FBXO16: variants seen among roughly 807,000 people sequenced by gnomAD.
The protein encoded by FBXO16 is F-box protein 16.
A neutral mutation model predicts 41.0 loss-of-function variants in FBXO16; 31 were observed. The observed-to-expected ratio is 0.76, with a 90% CI of 0.57 to 1.02. The LOEUF (loss-of-function observed/expected upper bound fraction) is 1.02, where lower values mean the gene tolerates loss of function less well. Ranked by LOEUF, FBXO16 falls within the 50% of genes least tolerant of loss-of-function variation. The probability of loss-of-function intolerance (pLI) is 0.00; values close to 1 mark genes in which losing one functional copy is unlikely to be tolerated. For missense variants in FBXO16, 361 were observed against 346.2 expected (o/e 1.04, Z -0.34); for synonymous variants, 133 against 117.8 (o/e 1.13, Z -0.84).
At chr8:28,456,346 C>A (rs1029143446) in intron 5 of FBXO16, among the ~76,000 whole-genome samples, 1 of 152,094 alleles carries the variant, frequency 6.6e-6, no homozygotes, top group African/African-American at 2.4e-5. Flanking sequence ...TCCTTATAAA[C>A]GATACAAAAA....
At chr8:28,447,870 C>T (rs1802891242) in intron 6 of FBXO16, among the ~76,000 whole-genome samples, 1 of 152,198 alleles carries the variant, frequency 6.6e-6, no homozygotes, top group Non-Finnish European at 1.5e-5. Context: ...AGGAGAATCA[C>T]TCGAACCCAG....
At chr8:28,449,146 G>A (rs1265306721) in intron 6 of FBXO16, 5 of 152,070 alleles carry the variant, frequency 3.3e-5, no homozygotes, top group Middle Eastern at 3.4e-3. Context: ...GCATGTGGGC[G>A]GTGCAATCCA....
chr8:28,446,831 C>A (rs1184432689), intron 7 of FBXO16: 1 of 161,452 alleles, frequency 6.2e-6, no homozygotes, highest in African/African-American at 2.4e-5. Context: ...GAAATCATGC[C>A]ATTGCACTCC....
In FBXO16 at chr8:28,428,668, C is replaced by T. The variant is rs1264492953; in HGVS notation, c.*59G>A. ...CTGTGGTGGCAGTGTCTGGGAGTCCCACTGACTCAGGGGGAGGCCAGGCGA... is the reference window on the plus strand; with the variant it reads ...CTGTGGTGGCAGTGTCTGGGAGTCCTACTGACTCAGGGGGAGGCCAGGCGA... On this transcript the variant is annotated 3_prime_UTR_variant, in exon 9 of 9. Transcript: ENST00000380254. 6.4e-7 allele frequency: 1 copy of T among 1,568,646 alleles called. No homozygotes were observed. The highest frequency in any genetic ancestry group is 8.6e-7 in the Non-Finnish European group (1 of 1,157,202).
At chr8:28,469,640 A>G (rs1803299644) in intron 3 of FBXO16, among the ~76,000 whole-genome samples, 1 of 152,228 alleles carries the variant, frequency 6.6e-6, no homozygotes, top group African/African-American at 2.4e-5. Flanking sequence ...GTGGTGGCTC[A>G]CGCCTGTAAT....
chr8:28,449,602 T>C (rs1434402658), intron 6 of FBXO16, among the ~76,000 whole-genome samples: 3 of 151,776 alleles, frequency 2.0e-5, no homozygotes, highest in African/African-American at 7.3e-5. Context: ...GGATTACAGG[T>C]GTTTGCCACC....
At chr8:28,437,274 T>A (rs1802700578) in intron 7 of FBXO16, among the ~76,000 whole-genome samples, 1 of 152,182 alleles carries the variant, frequency 6.6e-6, no homozygotes, top group Non-Finnish European at 1.5e-5. Context: ...TAGAATCATT[T>A]CCATTGGAAA....
intron 2 of FBXO16, 73 bp downstream of exon 2, chr8:28,483,275 G>A (rs992863191): frequency 7.7e-7 from 1 of 1,299,318 alleles, no homozygotes; most frequent in African/African-American, 1.5e-5. Flanking sequence ...TTCATATTTT[G>A]GTAAGTAAAA....
At chr8:28,446,572 TA>T (rs541905098) in intron 7 of FBXO16, among the ~76,000 whole-genome samples, 1 of 151,092 alleles carries the variant, frequency 6.6e-6, no homozygotes, top group Non-Finnish European at 1.5e-5. Flanking sequence ...GAACCACTGA[TA>T]AAAAAATACT....
chr8:28,451,357 T>C (rs1328625495), intron 6 of FBXO16, among the ~76,000 whole-genome samples: 1 of 150,248 alleles, frequency 6.7e-6, no homozygotes, highest in Non-Finnish European at 1.5e-5. Flanking sequence ...GTTTTCTTTC[T>C]CTCTTTCTGT....
At chr8:28,474,634 A>T (rs567076604) in intron 2 of FBXO16, among the ~76,000 whole-genome samples, 1 of 152,188 alleles carries the variant, frequency 6.6e-6, no homozygotes, top group Non-Finnish European at 1.5e-5. Context: ...ACATATGTGT[A>T]TAAGTATGTA....
intron 7 of FBXO16, among the ~76,000 whole-genome samples, chr8:28,434,581 C>A (rs1275849642): frequency 6.6e-6 from 1 of 152,226 alleles, no homozygotes; most frequent in African/African-American, 2.4e-5. Context: ...CTTACCACAT[C>A]TTCACTTTTT....
intron 3 of FBXO16, among the ~76,000 whole-genome samples, chr8:28,465,600 G>C (rs1233444031): frequency 6.6e-6 from 1 of 151,656 alleles, no homozygotes; most frequent in Non-Finnish European, 1.5e-5. Context: ...GGACAGCAGA[G>C]AGAGGCCCTG....
chr8:28,433,956 A>ATTT (rs773888558), intron 7 of FBXO16, among the ~76,000 whole-genome samples: 52 of 118,278 alleles, frequency 4.4e-4, no homozygotes, highest in East Asian at 4.1e-3. Flanking sequence ...TCACTCCCTG[A>ATTT]TTTTTTTTTT....
rs1207481029 is a variant in FBXO16, at chr8:28,463,699, G to A, written c.255C>T (p.Ala85=). The A allele has an allele frequency of 1.2e-6, 2 of 1,614,212 alleles. No individual in the cohort carries two copies. Among genetic ancestry groups the A allele is most frequent in the Admixed American group, 3.3e-5 (2 of 60,028 alleles). ...TTGGAAGCTTGGTTGTAAAGTCCAG[G>A]GCTTCTGCTGGAATTTTCTCTTGAA... ...RKLQEKIPAE[A]LDFTTKLPRV... is the part of the protein sequence containing the mutation. The change falls in exon 4 of 9, where the codon GCC becomes GCT. Residue 85 remains alanine, a synonymous_variant. Coordinates refer to ENST00000380254, the MANE Select transcript of FBXO16 (RefSeq NM_172366.4).
chr8:28,451,922 T>G (rs1802959910), intron 6 of FBXO16, among the ~76,000 whole-genome samples: 1 of 149,520 alleles, frequency 6.7e-6, no homozygotes, highest in Admixed American at 6.8e-5. Flanking sequence ...AGGTGGAGGT[T>G]GCAGTGAGCT....
chr8:28,485,398 C>T (rs1393193070), intron 1 of FBXO16, among the ~76,000 whole-genome samples: 1 of 151,954 alleles, frequency 6.6e-6, no homozygotes, highest in Non-Finnish European at 1.5e-5. Context: ...GTCTCGAACT[C>T]CTGATCTCAG....
At chr8:28,433,102 C>CA (rs1802635915) in intron 7 of FBXO16, among the ~76,000 whole-genome samples, 1 of 148,748 alleles carries the variant, frequency 6.7e-6, no homozygotes, top group African/African-American at 2.5e-5. Flanking sequence ...ACAAACAAAA[C>CA]ATAACAACAA....
intron 7 of FBXO16, among the ~76,000 whole-genome samples, chr8:28,441,906 ATATATGTGTGTGTG>A (rs1481740471): frequency 0.024 from 3,278 of 139,438 alleles, 177 homozygotes; most frequent in African/African-American, 0.088. Flanking sequence ...CAGTGTATAT[ATATATGTGTGTGTG>A]TGTGTGTGTG....
Sources: allele counts gnomAD v4.1 joint callset (sites outside exome capture counted in the v4.1 genomes callset), GRCh38; gene constraint gnomAD v4.1.1; transcripts MANE v1.5; gene names NCBI Gene and HGNC (gene_info 2026-07-23, HGNC 2026-07-21).